The following ZFPM2 variants were observed in gnomAD, a reference collection of about 807,000 sequenced individuals.
ZFPM2 encodes zinc finger protein ZFPM2.
ZFPM2 carries 20 observed loss-of-function variants against 98.6 expected under a neutral mutation model. The ratio of observed to expected loss-of-function variants is 0.20; its 90% CI spans 0.14 to 0.29. The LOEUF is 0.29. Ranked by LOEUF, ZFPM2 falls within the 10% of genes least tolerant of loss-of-function variation. ZFPM2 has a pLI of 1.00. For missense variants in ZFPM2, 1,310 were observed against 1,388.6 expected (o/e 0.94, Z 0.90); for synonymous variants, 518 against 502.7 (o/e 1.03, Z -0.41).
At chr8:105,359,786 T>C (rs1812821803) in intron 1 of ZFPM2, among the ~76,000 whole-genome samples, 1 of 152,240 alleles carries the variant, frequency 6.6e-6, no homozygotes, top group African/African-American at 2.4e-5. Context: ...TCCATCATTA[T>C]AAAATGCAGA....
chr8:105,788,902 T>G lies in ZFPM2; in HGVS notation c.717T>G (p.Ile239Met). 1 of 1,613,734 alleles carries G rather than the reference T, an allele frequency of 6.2e-7. No individual in the cohort carries two copies. The highest frequency in any genetic ancestry group is 1.1e-5 in the South Asian group (1 of 91,046). ...LLPQQAAMAS[I>M]LPTAIVNKDI... is the part of the protein sequence containing the mutation. ...CTCAGCAAGCTGCCATGGCTTCTAT[T>G]TTGCCCACAGCTATTGTCAATAGTA... is the stretch of plus-strand genomic sequence containing the variant. Residue 239 changes from isoleucine to methionine, a missense_variant, in exon 6 of 8, where the codon ATT becomes ATG. Ile to Met is a conservative substitution (Grantham distance 10). Coordinates refer to ENST00000407775, the MANE Select transcript of ZFPM2 (RefSeq NM_012082.4).
intron 5 of ZFPM2, among the ~76,000 whole-genome samples, chr8:105,666,181 A>G (rs1586184111): frequency 1.3e-5 from 2 of 152,204 alleles, no homozygotes; most frequent in Non-Finnish European, 2.9e-5. Context: ...GTGACAAGCC[A>G]TGGTTGAGAC....
Position 105,658,445 on chromosome 8 carries a change from G to A in ZFPM2, c.532+24088G>A, listed in dbSNP as rs561194492. On this transcript the variant is annotated intron_variant, in intron 5 of 7. Transcript: ENST00000407775. ...CTACTAAAAATACAAAAAATTAGCCGGGCGAGGTGGCGGGCGCCTGTAGTC... is the reference window on the plus strand; with the variant it reads ...CTACTAAAAATACAAAAAATTAGCCAGGCGAGGTGGCGGGCGCCTGTAGTC... Among the ~76,000 whole-genome samples the A allele has an allele frequency of 5.3e-5, 5 of 94,862 alleles. 1 individual carries two copies. The highest frequency in any genetic ancestry group is 8.5e-5 in the Non-Finnish European group (4 of 47,038). The allele number at this position is 94,862 out of a possible 152,430, so 62.2% of individuals were successfully genotyped here.
intron 2 of ZFPM2, 100 bp from the exon 3 acceptor site, chr8:105,444,180 G>A (rs1462980663): frequency 6.8e-6 from 6 of 887,268 alleles, no homozygotes; most frequent in Non-Finnish European, 1.1e-5. Context: ...TAACAAACCT[G>A]TAATTAGATA....
At chr8:105,533,441 C>A (rs1009435453) in intron 3 of ZFPM2, among the ~76,000 whole-genome samples, 1 of 151,940 alleles carries the variant, frequency 6.6e-6, no homozygotes, top group Non-Finnish European at 1.5e-5. Context: ...ACTTCTTGGG[C>A]AATCTTCAGA....
chr8:105,449,581 A>G (rs1330203469), intron 3 of ZFPM2, among the ~76,000 whole-genome samples: 1 of 152,000 alleles, frequency 6.6e-6, no homozygotes, highest in Non-Finnish European at 1.5e-5. Flanking sequence ...TGCTACGCTG[A>G]TAAGTCAGAG....
chr8:105,438,761 A>G (rs1812175658), intron 2 of ZFPM2, among the ~76,000 whole-genome samples: 1 of 152,176 alleles, frequency 6.6e-6, no homozygotes, highest in Non-Finnish European at 1.5e-5. Context: ...TCACAGGGTC[A>G]TATCAGTCCC....
intron 5 of ZFPM2, among the ~76,000 whole-genome samples, chr8:105,753,308 A>G (rs1439453384): frequency 6.6e-6 from 1 of 152,150 alleles, no homozygotes; most frequent in Non-Finnish European, 1.5e-5. Flanking sequence ...GTTGGAGACC[A>G]TATAAACCAC....
rs779192516 is a variant in ZFPM2, at chr8:105,801,887, C to T, written c.1805C>T (p.Thr602Ile). ...PEALSPNTGQ[T>I]SINLLNPAAH... is the part of the protein sequence containing the mutation. The stretch of plus-strand genomic sequence containing the variant: ...GCTTTGAGTCCCAACACTGGCCAAA[C>T]CTCCATAAACCTTCTCAACCCAGCT... Residue 602 changes from threonine to isoleucine, a missense_variant, in exon 8 of 8, where the codon ACC (threonine) becomes ATC (isoleucine). By Grantham distance (89) the Thr-to-Ile change is moderately conservative. Transcript: ENST00000407775. The T allele has an allele frequency of 6.2e-7, 1 of 1,613,946 alleles. No homozygotes were observed. The highest frequency in any genetic ancestry group is 8.5e-7 in the Non-Finnish European group (1 of 1,179,872).
chr8:105,470,346 T>C (rs2130344162), intron 3 of ZFPM2, among the ~76,000 whole-genome samples: 1 of 152,264 alleles, frequency 6.6e-6, no homozygotes. Context: ...GCCTCAGTAT[T>C]TTCATCAACA....
intron 3 of ZFPM2, among the ~76,000 whole-genome samples, chr8:105,451,210 AT>A (rs1312530442): frequency 2.0e-5 from 3 of 152,182 alleles, no homozygotes; most frequent in Non-Finnish European, 4.4e-5. Flanking sequence ...AAGATAATGA[AT>A]TTGAGATAAA....
chr8:105,620,128 A>G (rs1027111002), intron 4 of ZFPM2, among the ~76,000 whole-genome samples: 1 of 152,144 alleles, frequency 6.6e-6, no homozygotes, highest in Non-Finnish European at 1.5e-5. Flanking sequence ...CAATGGTTGA[A>G]CTAGTTTACA....
rs750176491 is a variant in ZFPM2 at position 105,519,317 on chromosome 8, C to A, written c.302-42046C>A. ...ATGGTTTTGATAATCAAATATGGTA[C>A]TGTAAAAATGCTTAGCTCAATGCCT... is the stretch of plus-strand genomic sequence containing the variant. On this transcript the variant is annotated intron_variant, in intron 3 of 7. Coordinates refer to ENST00000407775, the MANE Select transcript of ZFPM2 (RefSeq NM_012082.4). Among the ~76,000 whole-genome samples, 33 of 152,078 alleles carry A rather than the reference C, an allele frequency of 2.2e-4. No individual in the cohort carries two copies. The South Asian group carries it at 4.2e-3, about 19-fold the overall frequency.
intron 1 of ZFPM2, among the ~76,000 whole-genome samples, chr8:105,325,752 G>T (rs554269087): frequency 6.6e-6 from 1 of 151,282 alleles, no homozygotes; most frequent in Admixed American, 6.6e-5. Flanking sequence ...GTCTGAGAGG[G>T]TGTCATACCG....
chr8:105,664,920 A>C (rs1334580507), intron 5 of ZFPM2, among the ~76,000 whole-genome samples: 1 of 152,140 alleles, frequency 6.6e-6, no homozygotes, highest in East Asian at 1.9e-4. Context: ...AAAAAAGAAA[A>C]AGTACTAGGA....
intron 5 of ZFPM2, among the ~76,000 whole-genome samples, chr8:105,705,826 A>G (rs1478483679): frequency 6.6e-6 from 1 of 152,146 alleles, no homozygotes; most frequent in Non-Finnish European, 1.5e-5. Context: ...TCCAAAATGC[A>G]CTTGCTAGAA....
intron 5 of ZFPM2, among the ~76,000 whole-genome samples, chr8:105,779,511 T>G (rs1813193599): frequency 1.3e-5 from 2 of 152,248 alleles, no homozygotes; most frequent in Admixed American, 1.3e-4. Context: ...AAGCCATGAA[T>G]TGCAGATAGC....
chr8:105,563,147 G>A (rs1010351870), intron 4 of ZFPM2, among the ~76,000 whole-genome samples: 27 of 152,090 alleles, frequency 1.8e-4, no homozygotes, highest in African/African-American at 6.0e-4. Flanking sequence ...GAGGGGTTTC[G>A]ACAGGTGTAC....
rs189642305 is a variant in ZFPM2, at chr8:105,559,452, G to A, written c.302-1911G>A. On this transcript the variant is annotated intron_variant, in intron 3 of 7. Coordinates refer to ENST00000407775, the MANE Select transcript of ZFPM2 (RefSeq NM_012082.4). ...AATTTAATGTGTTCTTCAATTTTCA[G>A]TGTATTTTTCAAGTGGTAAAGAAAG... is the stretch of plus-strand genomic sequence containing the variant. Among the ~76,000 whole-genome samples the A allele has an allele frequency of 3.3e-5, 5 of 152,234 alleles. No individual in the cohort carries two copies. The East Asian group carries it at 9.6e-4, about 29-fold the overall frequency.
Sources: allele counts gnomAD v4.1 joint callset (sites outside exome capture counted in the v4.1 genomes callset), GRCh38; gene constraint gnomAD v4.1.1; transcripts MANE v1.5; gene names NCBI Gene and HGNC (gene_info 2026-07-23, HGNC 2026-07-21).